ANK2: variants seen among roughly 807,000 people sequenced by gnomAD.
ANK2 encodes the protein ankyrin-2.
In ANK2, 83 loss-of-function variants were observed where a neutral mutation model predicts 360.5. The ratio of observed to expected loss-of-function variants is 0.23; its 90% CI spans 0.19 to 0.28. The LOEUF (loss-of-function observed/expected upper bound fraction) is 0.28. Ranked by LOEUF, ANK2 falls within the 10% of genes least tolerant of loss-of-function variation. The probability of loss-of-function intolerance (pLI) is 1.00; values close to 1 mark genes in which losing one functional copy is unlikely to be tolerated. For synonymous variants in ANK2, 1,740 were observed against 1,759.5 expected, an observed-to-expected ratio of 0.99 and a Z score of 0.28; for missense variants, 4,201 against 4,795.7, an observed-to-expected ratio of 0.88 and a Z score of 3.66.
intron 1 of ANK2, among the ~76,000 whole-genome samples, chr4:112,864,657 G>A (rs1560846954): frequency 6.6e-6 from 1 of 152,028 alleles, no homozygotes; most frequent in African/African-American, 2.4e-5. Flanking sequence ...TTGGTCAAAG[G>A]TGATTCATTA....
the ANK2 span, among the ~76,000 whole-genome samples, chr4:112,746,858 T>C: frequency 6.6e-6 from 1 of 152,234 alleles, no homozygotes; most frequent in Non-Finnish European, 1.5e-5. Flanking sequence ...AAAAAAGACA[T>C]GCTTTTGTGA....
At chr4:113,062,590 T>C (rs2074011378) in intron 1 of ANK2, among the ~76,000 whole-genome samples, 1 of 152,110 alleles carries the variant, frequency 6.6e-6, no homozygotes, top group African/African-American at 2.4e-5. Flanking sequence ...TATTATATAC[T>C]TTATGAATTG....
In ANK2 at chr4:113,317,802, G is replaced by A; in HGVS notation, c.2789G>A (p.Ser930Asn). Residue 930 changes from serine (S) to asparagine (N), a missense_variant, in exon 25 of 46, where the codon AGT becomes AAT. By Grantham distance (46) the Ser-to-Asn change is conservative. Coordinates refer to ENST00000357077, the MANE Select transcript of ANK2 (RefSeq NM_001148.6). ...AVMDDSVVIPSHQVSTLAKEA... is the reference protein window; with the variant it reads ...AVMDDSVVIPNHQVSTLAKEA... ...ATGGATGACTCAGTTGTGATTCCCA[G>A]TCACCAGGTATGTGACATTTTGCCT... 6.2e-7 allele frequency: 1 copy of A among 1,612,940 alleles called. No homozygotes were observed. Among genetic ancestry groups the A allele is most frequent in the Non-Finnish European group, 8.5e-7 (1 of 1,179,000 alleles).
chr4:112,793,745 G>A, the ANK2 span, among the ~76,000 whole-genome samples: 1 of 137,994 alleles, frequency 7.2e-6, no homozygotes, highest in Non-Finnish European at 1.5e-5. Flanking sequence ...TTACTCTGTC[G>A]CCCAGGCTGG....
intron 2 of ANK2, among the ~76,000 whole-genome samples, chr4:112,965,354 AT>A (rs917324974): frequency 2.6e-5 from 4 of 151,516 alleles, no homozygotes; most frequent in East Asian, 1.9e-4. Flanking sequence ...AGATGATTAG[AT>A]TTTTTTTTCC....
At chr4:112,802,091 T>C in the ANK2 span, among the ~76,000 whole-genome samples, 1 of 152,152 alleles carries the variant, frequency 6.6e-6, no homozygotes, top group Non-Finnish European at 1.5e-5. Flanking sequence ...CCGGTTTGGC[T>C]ACTAGGTGAG....
At chr4:113,064,451 T>C (rs2074816543) in intron 1 of ANK2, among the ~76,000 whole-genome samples, 1 of 152,134 alleles carries the variant, frequency 6.6e-6, no homozygotes, top group Non-Finnish European at 1.5e-5. Flanking sequence ...TCAGCCAGGA[T>C]TAAGGAGGAG....
chr4:112,997,810 ACACATATATG>A (rs2049138080), intron 2 of ANK2, among the ~76,000 whole-genome samples: 1 of 152,062 alleles, frequency 6.6e-6, no homozygotes, highest in Non-Finnish European at 1.5e-5. Context: ...ATACACACAC[ACACATATATG>A]CACATATATA....
At chr4:112,950,827 A>G (rs1201880177) in intron 2 of ANK2, among the ~76,000 whole-genome samples, 3 of 151,210 alleles carry the variant, frequency 2.0e-5, no homozygotes, top group Non-Finnish European at 4.4e-5. Flanking sequence ...TCACGCCTGT[A>G]ATCCCAGCAC....
chr4:113,005,682 G>C (rs13124501), intron 2 of ANK2, among the ~76,000 whole-genome samples: 108,359 of 152,048 alleles, frequency 0.71, 40,032 homozygotes, highest in South Asian at 0.87. Context: ...AGTAGACTAG[G>C]GTAATATGAT....
chr4:112,773,640 TAGAG>T, the ANK2 span, among the ~76,000 whole-genome samples: 1 of 152,188 alleles, frequency 6.6e-6, no homozygotes, highest in South Asian at 2.1e-4. Flanking sequence ...TCTGAGGAAA[TAGAG>T]AGACACATTC....
Position 113,345,883 on chromosome 4 carries a change from T to C in ANK2, c.4249-17T>C. ...AAATCAAATGTGGGTGAAGCATGTA[T>C]GTCTTTCTTGTTCAAGGTACGCGAT... On this transcript the variant is annotated splice_polypyrimidine_tract_variant and intron_variant, in intron 34 of 45. Transcript: ENST00000357077. The C allele has an allele frequency of 6.2e-7, 1 of 1,613,194 alleles. No homozygotes were observed. Among genetic ancestry groups the C allele is most frequent in the Non-Finnish European group, 8.5e-7 (1 of 1,179,268 alleles).
chr4:113,358,907 A>C lies in ANK2; in HGVS notation c.10289A>C (p.Glu3430Ala), dbSNP rs149574241. ...GAGGAACTTGAGTTAGAATCAGAAG[A>C]AGGGGCCACAAGACCAAAGATACTT... ...RAEELELESE[E>A]GATRPKILTS... The change falls in exon 38 of 46, where the codon GAA (glutamate) becomes GCA (alanine). Residue 3430 changes from glutamate to alanine, a missense_variant. Glu to Ala is a moderately radical substitution (Grantham distance 107). Coordinates refer to ENST00000357077, the MANE Select transcript of ANK2 (RefSeq NM_001148.6). 8.0e-5 allele frequency: 129 copies of C among 1,613,854 alleles called. No homozygotes were observed. The African/African-American group carries it at 1.7e-3, about 21-fold the overall frequency.
chr4:112,934,758 TGG>T (rs2154240764), intron 2 of ANK2, among the ~76,000 whole-genome samples: 1 of 152,276 alleles, frequency 6.6e-6, no homozygotes, highest in South Asian at 2.1e-4. Flanking sequence ...TATATTCTAG[TGG>T]AAGGTGACAG....
At chr4:112,819,637 C>G (rs1021307959) in intron 1 of ANK2, among the ~76,000 whole-genome samples, 6 of 152,128 alleles carry the variant, frequency 3.9e-5, no homozygotes, top group Admixed American at 2.0e-4. Flanking sequence ...CCATTCTATT[C>G]CACTGAACTG....
At position 113,049,732 on chromosome 4, in the gene ANK2, A is replaced by G. The variant is rs929854524; in HGVS notation, c.4A>G (p.Met2Val). 2.5e-6 allele frequency: 4 copies of G among 1,597,196 alleles called. No homozygotes were observed. The African/African-American group carries it at 4.1e-5, about 16-fold the overall frequency. The change falls in exon 1 of 46, where the codon ATG becomes GTG. Residue 2 changes from methionine to valine, a missense_variant. This residue lies in a region of ANK2 where 169 missense variants were observed against 191.1 expected (regional missense o/e 0.88). Transcript: ENST00000357077. ...TTTTCTTTCCAAACTGTTCAAAATG[A>G]TGAACGAAGATGCAGCTCAGAAAAG... M[M>V]NEDAAQKSDS...
chr4:112,745,828 C>A, the ANK2 span, among the ~76,000 whole-genome samples: 1 of 152,064 alleles, frequency 6.6e-6, no homozygotes, highest in Non-Finnish European at 1.5e-5. Context: ...CCACTGCGCC[C>A]GGCCCCAATT....
intron 1 of ANK2, among the ~76,000 whole-genome samples, chr4:113,076,263 C>T (rs1258350040): frequency 6.6e-6 from 1 of 152,204 alleles, no homozygotes; most frequent in Non-Finnish European, 1.5e-5. Flanking sequence ...TTGTGTTGGG[C>T]TGCATTCAAA....
At chr4:113,255,253 T>C (rs963554480) in intron 10 of ANK2, among the ~76,000 whole-genome samples, 5 of 152,332 alleles carry the variant, frequency 3.3e-5, no homozygotes, top group African/African-American at 1.2e-4. Context: ...TTGTAAAATT[T>C]CAGAGGAACA....
Sources: gnomAD v4.1 joint callset for allele counts (sites outside exome capture counted in the v4.1 genomes callset) on GRCh38, gnomAD v4.1.1 for gene constraint, gnomAD v4.1.1 regional missense constraint, MANE v1.5 for transcripts, NCBI Gene and HGNC (gene_info 2026-07-23, HGNC 2026-07-21) for gene names.